Variants in KALRN observed in about 807,000 individuals in gnomAD.
The protein encoded by KALRN is kalirin.
KALRN carries 70 observed loss-of-function variants against 353.7 expected under a neutral mutation model. The ratio of observed to expected loss-of-function variants is 0.20; its 90% CI spans 0.16 to 0.24. The LOEUF is 0.24. Ranked by LOEUF, KALRN falls within the 10% of genes least tolerant of loss-of-function variation. The probability of loss-of-function intolerance (pLI) is 1.00; values close to 1 mark genes in which losing one functional copy is unlikely to be tolerated. For synonymous variants in KALRN, 1,391 were observed against 1,434.8 expected (o/e 0.97, Z 0.69); for missense variants, 2,791 against 3,756.7 (o/e 0.74, Z 6.72).
chr3:124,672,006 T>C, intron 48 of KALRN, 108 bp downstream of exon 48: 5 of 839,294 alleles, frequency 6.0e-6, no homozygotes, highest in Non-Finnish European at 9.9e-6. Flanking sequence ...TGGAGTGCAA[T>C]GGCACCATCT....
intron 4 of KALRN, 58 bp downstream of exon 4, chr3:124,264,748 C>A: frequency 7.0e-7 from 1 of 1,432,716 alleles, no homozygotes; most frequent in Non-Finnish European, 9.8e-7. Context: ...GCCATCCACA[C>A]ATTTCTCACG....
At chr3:124,161,982 G>A (rs905596097) in intron 1 of KALRN, among the ~76,000 whole-genome samples, 2 of 152,210 alleles carry the variant, frequency 1.3e-5, no homozygotes, top group African/African-American at 4.8e-5. Context: ...ACTGGGACTT[G>A]TATTGTACCT....
intron 3 of KALRN, among the ~76,000 whole-genome samples, chr3:124,238,541 A>T (rs2080065444): frequency 6.6e-6 from 1 of 152,234 alleles, no homozygotes; most frequent in Non-Finnish European, 1.5e-5. Context: ...TGATATTGGA[A>T]AAAACAATGC....
chr3:124,181,897 C>T (rs1255585060), intron 1 of KALRN, among the ~76,000 whole-genome samples: 2 of 152,126 alleles, frequency 1.3e-5, no homozygotes, highest in Non-Finnish European at 2.9e-5. Flanking sequence ...GTTTTAGGTA[C>T]AGGGTACAGG....
At chr3:124,343,603 C>T (rs2081989316) in intron 9 of KALRN, among the ~76,000 whole-genome samples, 1 of 152,188 alleles carries the variant, frequency 6.6e-6, no homozygotes, top group Non-Finnish European at 1.5e-5. Flanking sequence ...TTTCAGGGTC[C>T]ATTTCCTACT....
intron 3 of KALRN, among the ~76,000 whole-genome samples, chr3:124,253,644 C>T (rs1352222884): frequency 1.3e-5 from 2 of 152,202 alleles, no homozygotes; most frequent in East Asian, 3.8e-4. Flanking sequence ...TCCTCAGTGA[C>T]CAGGCTAGCT....
At chr3:124,602,409 T>C (rs1561393736) in intron 34 of KALRN, among the ~76,000 whole-genome samples, 1 of 152,204 alleles carries the variant, frequency 6.6e-6, no homozygotes, top group Non-Finnish European at 1.5e-5. Flanking sequence ...CTGTGAAATC[T>C]GGGGTGCTCC....
intron 45 of KALRN, among the ~76,000 whole-genome samples, chr3:124,664,705 A>C (rs1198602922): frequency 1.3e-5 from 2 of 152,220 alleles, no homozygotes; most frequent in Admixed American, 1.3e-4. Flanking sequence ...CACTGCACCC[A>C]GCCCAGAATC....
At chr3:124,513,870 C>A (rs921566703) in intron 33 of KALRN, among the ~76,000 whole-genome samples, 1 of 152,132 alleles carries the variant, frequency 6.6e-6, no homozygotes, top group Non-Finnish European at 1.5e-5. Context: ...CATCGCTGAC[C>A]GCTCAGCCAG....
chr3:124,305,359 C>T (rs1249615429), intron 6 of KALRN, among the ~76,000 whole-genome samples: 1 of 152,174 alleles, frequency 6.6e-6, no homozygotes, highest in African/African-American at 2.4e-5. Context: ...GGAAAGAGAT[C>T]TCCTGGGGCC....
intron 33 of KALRN, among the ~76,000 whole-genome samples, chr3:124,549,349 A>G (rs2070152001): frequency 6.9e-6 from 1 of 144,328 alleles, no homozygotes; most frequent in Non-Finnish European, 1.5e-5. Flanking sequence ...ACACACACAC[A>G]TAATCACACA....
intron 1 of KALRN, among the ~76,000 whole-genome samples, chr3:124,182,216 G>A (rs1303664023): frequency 6.6e-6 from 1 of 152,170 alleles, no homozygotes; most frequent in Non-Finnish European, 1.5e-5. Context: ...AAACTTAACG[G>A]CTTGAAATAA....
At chr3:124,202,922 G>A (rs2076088056) in intron 1 of KALRN, among the ~76,000 whole-genome samples, 2 of 152,126 alleles carry the variant, frequency 1.3e-5, no homozygotes, top group Admixed American at 6.5e-5. Flanking sequence ...CATTTGCAGT[G>A]TGTCGTGCCA....
At chr3:124,612,042 G>A (rs971259796) in intron 34 of KALRN, among the ~76,000 whole-genome samples, 7 of 152,104 alleles carry the variant, frequency 4.6e-5, no homozygotes, top group Non-Finnish European at 1.5e-5. Flanking sequence ...GTTTTGTTTT[G>A]TGATGGAGTC....
chr3:124,313,455 A>C (rs1580833232), intron 6 of KALRN, among the ~76,000 whole-genome samples: 1 of 152,222 alleles, frequency 6.6e-6, no homozygotes, highest in South Asian at 2.1e-4. Flanking sequence ...AGCCTGGTGG[A>C]TGGAACTTCC....
At chr3:124,472,766 T>C (rs1468139248) in intron 25 of KALRN, among the ~76,000 whole-genome samples, 4 of 152,186 alleles carry the variant, frequency 2.6e-5, no homozygotes, top group Non-Finnish European at 5.9e-5. Flanking sequence ...AAAGTACATA[T>C]TAGTTTAAAT....
intron 1 of KALRN, among the ~76,000 whole-genome samples, chr3:124,042,421 C>T (rs1371501533): frequency 1.3e-5 from 2 of 152,050 alleles, no homozygotes; most frequent in African/African-American, 4.8e-5. Flanking sequence ...TGTGGAGGGT[C>T]CATTGGAGTA....
intron 10 of KALRN, among the ~76,000 whole-genome samples, chr3:124,378,482 T>C (rs999124396): frequency 2.0e-5 from 3 of 151,674 alleles, no homozygotes; most frequent in Non-Finnish European, 4.4e-5. Flanking sequence ...CCTTGTAGTA[T>C]TTCCAGTGCT....
chr3:124,621,946 T>G (rs2079317350), intron 34 of KALRN, among the ~76,000 whole-genome samples: 1 of 152,256 alleles, frequency 6.6e-6, no homozygotes, highest in African/African-American at 2.4e-5. Context: ...TTTTCACCTT[T>G]GGCCCTCCCA....
Sources: allele counts gnomAD v4.1 joint callset (sites outside exome capture counted in the v4.1 genomes callset), GRCh38; gene constraint gnomAD v4.1.1; transcripts MANE v1.5; gene names NCBI Gene and HGNC (gene_info 2026-07-23, HGNC 2026-07-21).